CPZ: variants seen among roughly 807,000 people sequenced by gnomAD.
The protein encoded by CPZ is VEZT/CPZ fusion.
A neutral mutation model predicts 61.8 loss-of-function variants in CPZ; 103 were observed. The ratio of observed to expected loss-of-function variants is 1.67; its 90% CI spans 1.42 to 1.96. The LOEUF is 1.96. CPZ is among the 30% of genes most tolerant of loss of function. The pLI, the probability that CPZ is intolerant of heterozygous loss-of-function variation, is 0.00. For missense variants in CPZ, 1,461 were observed against 914.9 expected (o/e 1.60, Z -7.70); for synonymous variants, 551 against 373.7 (o/e 1.47, Z -5.47).
chr4:8,618,596 G>A (rs1222237922), intron 10 of CPZ, 68 bp downstream of exon 10: 10 of 1,410,216 alleles, frequency 7.1e-6, no homozygotes, highest in Non-Finnish European at 8.8e-6. Context: ...GTGGCAGCCG[G>A]CACCCTCAGG....
intron 1 of CPZ, among the ~76,000 whole-genome samples, chr4:8,593,178 C>A (rs960251154): frequency 6.6e-6 from 1 of 152,306 alleles, no homozygotes; most frequent in East Asian, 1.9e-4. Context: ...CACGCCTGGG[C>A]CGGGGGGTGA....
chr4:8,619,705 C>T lies in CPZ; in HGVS notation c.*88C>T, dbSNP rs900272337. 5.4e-5 allele frequency: 56 copies of T among 1,028,872 alleles called. No individual in the cohort carries two copies. Among genetic ancestry groups the T allele is most frequent in the Non-Finnish European group, 7.0e-5 (52 of 740,260 alleles). 63.7% of individuals were successfully genotyped at this position (1,028,872 alleles called of 1,614,324 possible). A position where few individuals can be genotyped will look rare whatever the true frequency, so the allele number is the denominator to read the frequency against. On this transcript the variant is annotated 3_prime_UTR_variant, in exon 11 of 11. Coordinates refer to ENST00000360986, the MANE Select transcript of CPZ (RefSeq NM_001014447.3). The stretch of plus-strand genomic sequence containing the variant: ...GGCTCTTGATTTTGTCTGCCACAGA[C>T]ATCCCACAAAGCCGCTGCCATTTTA...
chr4:8,602,954 G>C (rs1714682362), intron 3 of CPZ: 1 of 152,430 alleles, frequency 6.6e-6, no homozygotes, highest in Non-Finnish European at 1.5e-5. Flanking sequence ...GCAGAGCTCA[G>C]TCCCTGTAGA....
In CPZ at chr4:8,606,727, A is replaced by C; in HGVS notation, c.907-10A>C. 6.2e-7 allele frequency: 1 copy of C among 1,614,088 alleles called. No individual in the cohort carries two copies. The highest frequency in any genetic ancestry group is 8.5e-7 in the Non-Finnish European group (1 of 1,180,010). ...GACCCCACCCAGTCGGGGGTTGGCC[A>C]TGTTTTCAGGGTGCCGGCTACAACG... On this transcript the variant is annotated splice_polypyrimidine_tract_variant and intron_variant, in intron 5 of 10. Transcript: ENST00000360986.
At position 8,614,493 on chromosome 4, in the gene CPZ, G is replaced by C. The variant is rs1322394485; in HGVS notation, c.1498G>C (p.Glu500Gln). 1 of 1,613,362 alleles carries C rather than the reference G, an allele frequency of 6.2e-7. No individual in the cohort carries two copies. The highest frequency in any genetic ancestry group is 8.5e-7 in the Non-Finnish European group (1 of 1,179,680). Residue 500 changes from glutamate (E) to glutamine (Q), a missense_variant, in exon 9 of 11, where the codon GAG becomes CAG. Coordinates refer to ENST00000360986, the MANE Select transcript of CPZ (RefSeq NM_001014447.3). ...HNKESLLNFV[E>Q]TVHRGIKGVV... ...CAAGGAGTCACTCCTGAATTTCGTG[G>C]AGACGGTGAGTTCTGACGGTCTCAG...
At position 8,606,748 on chromosome 4, in the gene CPZ, C is replaced by G. The variant is rs1448038851; in HGVS notation, c.918C>G (p.Tyr306Ter). Residue 306 changes from tyrosine (Y) to a stop codon, truncating the protein, a stop_gained, in exon 6 of 11, where the codon TAC becomes TAG. Coordinates refer to ENST00000360986, the MANE Select transcript of CPZ (RefSeq NM_001014447.3). LOFTEE classifies it high-confidence loss of function. ...GGCCATGTTTTCAGGGTGCCGGCTA[C>G]AACGGGTGGACGAGCGGGAGGCAGA... ...YEVAAAEGAGYNGWTSGRQNA... is the reference protein window; with the variant it reads ...YEVAAAEGAG 1 of 1,614,012 alleles carries G rather than the reference C, an allele frequency of 6.2e-7. No homozygotes were observed. Among genetic ancestry groups the G allele is most frequent in the African/African-American group, 1.3e-5 (1 of 74,938 alleles).
chr4:8,604,821 G>A (rs1236793265), intron 4 of CPZ, among the ~76,000 whole-genome samples: 3 of 152,346 alleles, frequency 2.0e-5, no homozygotes, highest in Admixed American at 2.0e-4. Flanking sequence ...AAATGCACCT[G>A]CTCTTTGTTT....
rs769880210 is a variant in CPZ, at chr4:8,599,398, G to A, written c.89-55G>A. On this transcript the variant is annotated intron_variant, in intron 1 of 10. Coordinates refer to ENST00000360986, the MANE Select transcript of CPZ (RefSeq NM_001014447.3). ...TCAGGGCCCTGGCCGTGTGTTGCCC[G>A]GTGAGTGAAGGATGGCGAGGCAGGT... 1.9e-4 allele frequency: 291 copies of A among 1,545,862 alleles called. 2 individuals carry two copies. The highest frequency in any genetic ancestry group is 1.2e-3 in the South Asian group (98 of 79,940).
rs1387536246 is a variant in CPZ, at chr4:8,601,302, G to GGCTGT, written c.311_315dup (p.Ala106CysfsTer94). ...GTGCAACCCGGACCTGCGGCTGCTGGGCTGTGCTGTGCTGGCCCCCCGGTG... is the reference window on the plus strand; with the variant it reads ...GTGCAACCCGGACCTGCGGCTGCTGGGCTGTGCTGTGCTGTGCTGGCCCCCCGGTG... On this transcript the variant is annotated frameshift_variant, in exon 3 of 11. Coordinates refer to ENST00000360986, the MANE Select transcript of CPZ (RefSeq NM_001014447.3). LOFTEE classifies it high-confidence loss of function. The GGCTGT allele has an allele frequency of 3.1e-6, 5 of 1,612,800 alleles. No individual in the cohort carries two copies. Among genetic ancestry groups the GGCTGT allele is most frequent in the East Asian group, 2.2e-5 (1 of 44,858 alleles).
intron 1 of CPZ, among the ~76,000 whole-genome samples, chr4:8,593,975 C>T (rs1267848270): frequency 6.6e-6 from 1 of 152,156 alleles, no homozygotes; most frequent in Non-Finnish European, 1.5e-5. Context: ...AGAGCCCAGA[C>T]AGTATCTAGA....
At chr4:8,599,865 G>T (rs13121547) in intron 2 of CPZ, 96,831 of 236,196 alleles carry the variant, frequency 0.41, 21,303 homozygotes, top group East Asian at 0.64. Flanking sequence ...CACCTCCCCC[G>T]CCAGGCCCCG....
At chr4:8,614,811 C>T (rs2109344075) in intron 9 of CPZ, among the ~76,000 whole-genome samples, 1 of 152,220 alleles carries the variant, frequency 6.6e-6, no homozygotes, top group East Asian at 1.9e-4. Context: ...AGGTGTCTGA[C>T]CCAGCCTCAG....
chr4:8,605,399 TACATCCATGCATCCATCCACTCA>T (rs1714879756), intron 4 of CPZ, among the ~76,000 whole-genome samples: 1 of 150,436 alleles, frequency 6.6e-6, no homozygotes. Flanking sequence ...CATTCATTCA[TACATCCATGCATCCATCCACTCA>T]TCATCCATCC....
intron 2 of CPZ, among the ~76,000 whole-genome samples, chr4:8,600,788 T>A (rs1174203586): frequency 6.6e-6 from 1 of 152,246 alleles, no homozygotes; most frequent in Non-Finnish European, 1.5e-5. Context: ...GGGTGGTCTG[T>A]GCCTGTCCCT....
rs1714562280 is a variant in CPZ, at chr4:8,601,360, A to C, written c.359A>C (p.His120Pro). Reference protein sequence around the residue: ...EGGWVRRPCRHICEGLREVCQ... With the variant: ...EGGWVRRPCRPICEGLREVCQ... ...GGCTGGGTGCGCAGACCCTGCCGGC[A>C]CATCTGCGAGGGCCTGCGGGAGGTC... Residue 120 changes from histidine to proline, a missense_variant, in exon 3 of 11, where the codon CAC becomes CCC. Transcript: ENST00000360986. 6.2e-7 allele frequency: 1 copy of C among 1,603,150 alleles called. No homozygotes were observed. Among genetic ancestry groups the C allele is most frequent in the African/African-American group, 1.3e-5 (1 of 74,660 alleles).
chr4:8,603,759 A>G lies in CPZ; in HGVS notation c.497-217A>G, dbSNP rs762996889. The G allele has an allele frequency of 9.4e-5, 55 of 587,436 alleles. No individual in the cohort carries two copies. In the South Asian group the frequency reaches 1.0e-3, roughly 11 times the overall value. 36.4% of individuals were successfully genotyped at this position (587,436 alleles called of 1,614,324 possible). On this transcript the variant is annotated intron_variant, in intron 3 of 10. Transcript: ENST00000360986. ...TAGTATGTTTACTCACAGTCACGTT[A>G]GGAACCATGGCGCTGTGCTGTGTAC...
At chr4:8,602,531 G>A (rs1229854309) in intron 3 of CPZ, 1 of 152,350 alleles carries the variant, frequency 6.6e-6, no homozygotes, top group Non-Finnish European at 1.5e-5. Flanking sequence ...CAGAGGATCT[G>A]ACTGCGGGTG....
At chr4:8,617,688 G>C (rs917719676) in intron 9 of CPZ, among the ~76,000 whole-genome samples, 3 of 152,160 alleles carry the variant, frequency 2.0e-5, no homozygotes, top group African/African-American at 4.8e-5. Flanking sequence ...GGGCAGCCTC[G>C]CTGGACGGAC....
intron 7 of CPZ, among the ~76,000 whole-genome samples, chr4:8,608,777 A>C: frequency 7.1e-6 from 1 of 140,628 alleles, no homozygotes; most frequent in Non-Finnish European, 1.6e-5. Flanking sequence ...AGAGATTTCC[A>C]GCTGCAGGGC....
Sources: allele counts gnomAD v4.1 joint callset (sites outside exome capture counted in the v4.1 genomes callset), GRCh38; gene constraint gnomAD v4.1.1; transcripts MANE v1.5; gene names NCBI Gene and HGNC (gene_info 2026-07-23, HGNC 2026-07-21).